Variants in FAM161B observed in about 807,000 individuals in gnomAD.
FAM161B encodes FAM161 centrosomal protein B.
In FAM161B, 46 loss-of-function variants were observed where a neutral mutation model predicts 61.5. That is an observed-to-expected ratio of 0.75 (90% CI 0.59 to 0.96). FAM161B has a LOEUF of 0.96. Ranked by LOEUF, FAM161B falls within the 40% of genes least tolerant of loss-of-function variation. The pLI is 0.00. For synonymous variants in FAM161B, 284 were observed against 302.7 expected, an observed-to-expected ratio of 0.94 and a Z score of 0.64; for missense variants, 774 against 800.7, an observed-to-expected ratio of 0.97 and a Z score of 0.40.
chr14:73,925,019 C>G, the FAM161B span, among the ~76,000 whole-genome samples: 2 of 152,214 alleles, frequency 1.3e-5, no homozygotes, highest in Admixed American at 6.5e-5. Flanking sequence ...TAAGCTGTTG[C>G]ATCATTCAAA....
chr14:73,931,858 T>G (rs574921425), downstream of FAM161B: 196 of 437,634 alleles, frequency 4.5e-4, 2 homozygotes, highest in African/African-American at 3.6e-3. Context: ...TCATTCTGAC[T>G]GTTGAGGGGA....
intron 8 of FAM161B, among the ~76,000 whole-genome samples, chr14:73,934,928 TC>T (rs2055958525): frequency 1.3e-5 from 2 of 151,628 alleles, no homozygotes; most frequent in East Asian, 3.9e-4. Flanking sequence ...ACACCTGTAG[TC>T]CCACCTACTC....
chr14:73,949,610 C>T (rs1395005002), intron 1 of FAM161B, among the ~76,000 whole-genome samples: 3 of 151,254 alleles, frequency 2.0e-5, no homozygotes, highest in African/African-American at 7.3e-5. Context: ...CCACCCGCCT[C>T]GGCCTCCCAA....
At chr14:73,937,922 C>G in intron 6 of FAM161B, 26 bp downstream of exon 6, 1 of 1,613,332 alleles carries the variant, frequency 6.2e-7, no homozygotes, top group South Asian at 1.1e-5. Context: ...GGCAAGCACC[C>G]CTTTTGACAC....
In FAM161B at chr14:73,940,952, G is replaced by GGCA. The variant is rs763457868; in HGVS notation, c.1371_1373dup (p.Ala458dup). ...TGACTGCAGATTCCCTCTTCCTGGT[G>GGCA]GCATCTGTGATGTGCACAGGGAGAG... On this transcript the variant is annotated inframe_insertion, in exon 5 of 9. Coordinates refer to ENST00000286544, the MANE Select transcript of FAM161B (RefSeq NM_152445.3). The GGCA allele has an allele frequency of 5.6e-6, 9 of 1,612,570 alleles. No homozygotes were observed. The East Asian group carries it at 2.0e-4, about 36-fold the overall frequency.
At chr14:73,931,447 A>G (rs1445646853), downstream of FAM161B, 1 of 1,502,340 alleles carries the variant, frequency 6.7e-7, no homozygotes. Context: ...ACTATGAATT[A>G]TTTTTTCTAT....
At chr14:73,929,101 A>G (rs529154993), downstream of FAM161B, among the ~76,000 whole-genome samples, 1 of 152,284 alleles carries the variant, frequency 6.6e-6, no homozygotes, top group East Asian at 1.9e-4. Flanking sequence ...CTTTTTCCTC[A>G]TGGGTTTTTG....
Position 73,944,894 on chromosome 14 carries a change from A to C in FAM161B, c.375-9T>G. On this transcript the variant is annotated splice_polypyrimidine_tract_variant and intron_variant, in intron 2 of 8. Coordinates refer to ENST00000286544, the MANE Select transcript of FAM161B (RefSeq NM_152445.3). ...GCCTTGTGGAGCCACACCTGGGAAA[A>C]AAGCAGATCTGTGAGTGGAGGACAG... 1 of 1,505,228 alleles carries C rather than the reference A, an allele frequency of 6.6e-7. No homozygotes were observed. The highest frequency in any genetic ancestry group is 8.8e-7 in the Non-Finnish European group (1 of 1,130,008). 93.2% of individuals were successfully genotyped at this position (1,505,228 alleles called of 1,614,324 possible). A position where few individuals can be genotyped will look rare whatever the true frequency, so the allele number is the denominator to read the frequency against.
intron 1 of FAM161B, among the ~76,000 whole-genome samples, chr14:73,948,513 G>GAT (rs1314828439): frequency 1.4e-4 from 21 of 152,202 alleles, no homozygotes; most frequent in Non-Finnish European, 2.6e-4. Context: ...AAGAGTCAGA[G>GAT]ATATGTATGC....
intron 8 of FAM161B, 37 bp downstream of exon 8, chr14:73,935,912 T>A: frequency 6.3e-7 from 1 of 1,589,204 alleles, no homozygotes; most frequent in Non-Finnish European, 8.6e-7. Flanking sequence ...TATGACAATT[T>A]AGAGAGCTGC....
chr14:73,945,681 G>A (rs948426674), intron 2 of FAM161B, among the ~76,000 whole-genome samples: 1 of 150,954 alleles, frequency 6.6e-6, no homozygotes, highest in Non-Finnish European at 1.5e-5. Context: ...CAGCCACCTC[G>A]GCTTCCCAAA....
the FAM161B span, chr14:73,924,808 C>G: frequency 2.7e-6 from 1 of 374,436 alleles, no homozygotes; most frequent in Non-Finnish European, 5.1e-6. Flanking sequence ...TCCTGAGTAG[C>G]TGCTACTACA....
intron 1 of FAM161B, among the ~76,000 whole-genome samples, chr14:73,948,760 C>A (rs756203076): frequency 6.6e-6 from 1 of 152,110 alleles, no homozygotes; most frequent in Admixed American, 6.5e-5. Context: ...TTTCCCCTAA[C>A]CCTCCACACC....
chr14:73,924,182 C>T, the FAM161B span, among the ~76,000 whole-genome samples: 1 of 152,310 alleles, frequency 6.6e-6, no homozygotes, highest in Middle Eastern at 3.4e-3. Flanking sequence ...GGTTTCGTTT[C>T]ACCTCAGGTC....
chr14:73,925,514 G>A, the FAM161B span, among the ~76,000 whole-genome samples: 27 of 151,294 alleles, frequency 1.8e-4, no homozygotes, highest in African/African-American at 6.6e-4. Context: ...TGCAACCTCC[G>A]CCTCTCAGGT....
Position 73,934,399 on chromosome 14 carries a change from A to C in FAM161B, c.1806-5T>G. The C allele has an allele frequency of 6.3e-7, 1 of 1,589,784 alleles. No homozygotes were observed. The highest frequency in any genetic ancestry group is 8.5e-7 in the Non-Finnish European group (1 of 1,173,876). ...AGTTTTGTAGTTTCTTGGAACCTGC[A>C]GAATAAATTAAAACATGAAAAACAA... On this transcript the variant is annotated splice_polypyrimidine_tract_variant and splice_region_variant and intron_variant, in intron 8 of 8. Transcript: ENST00000286544.
At chr14:73,923,571 T>C in the FAM161B span, 1 of 1,576,496 alleles carries the variant, frequency 6.3e-7, no homozygotes, top group Non-Finnish European at 8.6e-7. Flanking sequence ...ATGTGGGGAA[T>C]GATTGAGAAT....
chr14:73,923,795 C>T, the FAM161B span, among the ~76,000 whole-genome samples: 1 of 152,122 alleles, frequency 6.6e-6, no homozygotes, highest in Non-Finnish European at 1.5e-5. Context: ...CTCTGCCACA[C>T]TATAACATGA....
At position 73,944,897 on chromosome 14, in the gene FAM161B, G is replaced by T. The variant is rs200903578; in HGVS notation, c.375-12C>A. ...TTGTGGAGCCACACCTGGGAAAAAA[G>T]CAGATCTGTGAGTGGAGGACAGGGC... is the stretch of plus-strand genomic sequence containing the variant. On this transcript the variant is annotated splice_polypyrimidine_tract_variant and intron_variant, in intron 2 of 8. Coordinates refer to ENST00000286544, the MANE Select transcript of FAM161B (RefSeq NM_152445.3). The T allele has an allele frequency of 2.0e-6, 3 of 1,503,794 alleles. No homozygotes were observed. The highest frequency in any genetic ancestry group is 2.7e-6 in the Non-Finnish European group (3 of 1,129,786). 93.2% of individuals were successfully genotyped at this position (1,503,794 alleles called of 1,614,324 possible).
Sources: allele counts gnomAD v4.1 joint callset (sites outside exome capture counted in the v4.1 genomes callset), GRCh38; gene constraint gnomAD v4.1.1; transcripts MANE v1.5; gene names NCBI Gene and HGNC (gene_info 2026-07-23, HGNC 2026-07-21).